The following ZNF766 variants were observed in gnomAD, a reference collection of about 807,000 sequenced individuals.
The protein encoded by ZNF766 is zinc finger protein 766.
Under a neutral mutation model 13.2 loss-of-function variants are expected in ZNF766, and 13 were observed. The ratio of observed to expected loss-of-function variants is 0.98; its 90% CI spans 0.64 to 1.56. The LOEUF is 1.56. ZNF766 is among the 40% of genes most tolerant of loss of function. The probability of loss-of-function intolerance (pLI) is 0.00; values close to 1 mark genes in which losing one functional copy is unlikely to be tolerated. For synonymous variants in ZNF766, 178 were observed against 187.6 expected (o/e 0.95, Z 0.42); for missense variants, 521 against 552.2 (o/e 0.94, Z 0.57).
intron 2 of ZNF766, among the ~76,000 whole-genome samples, chr19:52,282,883 T>A (rs574735558): frequency 6.6e-6 from 1 of 152,230 alleles, no homozygotes; most frequent in Non-Finnish European, 1.5e-5. Context: ...CACAGTTCCC[T>A]ACGCATTCAG....
intron 1 of ZNF766, chr19:52,277,500 C>G (rs780899649): frequency 1.3e-6 from 2 of 1,575,064 alleles, no homozygotes; most frequent in Non-Finnish European, 1.7e-6. Flanking sequence ...AGGAGAAGCC[C>G]AGAAGAGGAA....
rs539186976 is a variant in ZNF766, at chr19:52,288,576, G to A, written c.275-1490G>A. 1.4e-4 allele frequency among the ~76,000 whole-genome samples: 21 copies of A among 145,656 alleles called. 1 individual carries two copies. The South Asian group carries it at 4.4e-3, about 31-fold the overall frequency. Reference sequence around the variant, plus strand: ...TTATTTTATTTATTTATTTTGTTTAGAGATAAGGGGTCTCACTTTGTTGCC... The same window carrying A: ...TTATTTTATTTATTTATTTTGTTTAAAGATAAGGGGTCTCACTTTGTTGCC... On this transcript the variant is annotated intron_variant, in intron 3 of 3. Transcript: ENST00000439461.
At chr19:52,286,188 T>TCCCCCCCCCCCGCC (rs71254004) in intron 3 of ZNF766, among the ~76,000 whole-genome samples, 1 of 146,566 alleles carries the variant, frequency 6.8e-6, no homozygotes, top group African/African-American at 2.7e-5. Context: ...AGTGGGCTTT[T>TCCCCCCCCCCCGCC]CCCCCCTAAT....
rs934825706 is a variant in ZNF766, at chr19:52,291,459, G to A, written c.*261G>A. The A allele has an allele frequency of 1.9e-5, 7 of 369,972 alleles. No homozygotes were observed. The highest frequency in any genetic ancestry group is 6.3e-5 in the South Asian group (1 of 15,972). 22.9% of individuals were successfully genotyped at this position (369,972 alleles called of 1,614,324 possible). ...CGTGGAAATGATCTGTAATATTCGGGTTATTAAAAATGTAATTGGCTGGGC... is the reference window on the plus strand; with the variant it reads ...CGTGGAAATGATCTGTAATATTCGGATTATTAAAAATGTAATTGGCTGGGC... On this transcript the variant is annotated 3_prime_UTR_variant, in exon 4 of 4. Coordinates refer to ENST00000439461, the MANE Select transcript of ZNF766 (RefSeq NM_001010851.3).
At chr19:52,279,624 T>G (rs893381865) in intron 1 of ZNF766, among the ~76,000 whole-genome samples, 13 of 151,986 alleles carry the variant, frequency 8.6e-5, no homozygotes, top group Non-Finnish European at 1.9e-4. Context: ...AATTTGAGCT[T>G]CTTGGGAGGC....
rs1982286180 is a variant in ZNF766 at position 52,294,926 on chromosome 19, G to A, written c.*3728G>A. The A allele has an allele frequency of 6.6e-6, 1 of 151,094 alleles. No homozygotes were observed. The highest frequency in any genetic ancestry group is 2.4e-5 in the African/African-American group (1 of 41,208). 9.4% of individuals were successfully genotyped at this position (151,094 alleles called of 1,614,324 possible). A position where few individuals can be genotyped will look rare whatever the true frequency, so the allele number is the denominator to read the frequency against. The stretch of plus-strand genomic sequence containing the variant: ...GTAGACAATGAAAATTAGTGTGTGG[G>A]TTTATAATAAATATAATGTATTATA... On this transcript the variant is annotated 3_prime_UTR_variant, in exon 4 of 4. Coordinates refer to ENST00000439461, the MANE Select transcript of ZNF766 (RefSeq NM_001010851.3).
chr19:52,279,789 CTTTTTTTTTTTTTTTT>C (rs984101828), intron 1 of ZNF766, among the ~76,000 whole-genome samples: 2 of 64,878 alleles, frequency 3.1e-5, no homozygotes, highest in Non-Finnish European at 5.3e-5. Context: ...TTTACCTTTT[CTTTTTTTTTTTTTTTT>C]TTTTTTTTGA....
intron 1 of ZNF766, chr19:52,277,163 C>G: frequency 1.8e-6 from 2 of 1,120,938 alleles, no homozygotes; most frequent in Non-Finnish European, 2.2e-6. Flanking sequence ...GGATTGACTT[C>G]TAAAGAGTCA....
At chr19:52,289,655 C>A (rs1302666285) in intron 3 of ZNF766, among the ~76,000 whole-genome samples, 1 of 152,128 alleles carries the variant, frequency 6.6e-6, no homozygotes, top group African/African-American at 2.4e-5. Context: ...GCTGATATTT[C>A]TTCCAGTGTC....
intron 3 of ZNF766, chr19:52,287,998 GCTAT>G (rs1568621963): frequency 7.1e-6 from 3 of 422,838 alleles, no homozygotes; most frequent in African/African-American, 2.1e-5. Context: ...TTTTCTTTCT[GCTAT>G]CTTAGTGTTC....
intron 3 of ZNF766, chr19:52,284,786 A>G (rs144981283): frequency 6.6e-6 from 1 of 151,998 alleles, no homozygotes; most frequent in Non-Finnish European, 1.5e-5. Flanking sequence ...ACACTTCGTT[A>G]TGTTTATTGG....
At chr19:52,283,144 C>G in intron 2 of ZNF766, 141 bp from the exon 3 acceptor site, 6 of 948,702 alleles carry the variant, frequency 6.3e-6, no homozygotes, top group Non-Finnish European at 9.0e-6. Context: ...TCTCCAGCAT[C>G]TGTTGCTTGC....
chr19:52,286,211 G>A (rs1484498459), intron 3 of ZNF766, among the ~76,000 whole-genome samples: 2 of 146,206 alleles, frequency 1.4e-5, no homozygotes, highest in East Asian at 3.9e-4. Flanking sequence ...TAAAGGAAAA[G>A]CCTTCATTCT....
At chr19:52,270,304 G>GA (rs1280497687) in intron 1 of ZNF766, among the ~76,000 whole-genome samples, 3 of 152,142 alleles carry the variant, frequency 2.0e-5, no homozygotes, top group East Asian at 3.8e-4. Flanking sequence ...AATTTAGAGA[G>GA]AAAATAATGA....
At chr19:52,284,203 C>T (rs1981693919) in intron 3 of ZNF766, among the ~76,000 whole-genome samples, 1 of 152,230 alleles carries the variant, frequency 6.6e-6, no homozygotes, top group Non-Finnish European at 1.5e-5. Flanking sequence ...AGCGCTGCTT[C>T]AAAGGAGTCC....
chr19:52,273,101 C>T (rs999933702), intron 1 of ZNF766, among the ~76,000 whole-genome samples: 3 of 152,008 alleles, frequency 2.0e-5, no homozygotes, highest in East Asian at 3.9e-4. Context: ...CTCTGCCTCC[C>T]GGGTTCAAGC....
Position 52,294,944 on chromosome 19 carries a change from G to T in ZNF766, c.*3746G>T, listed in dbSNP as rs935936659. 1.3e-5 allele frequency: 2 copies of T among 150,696 alleles called. No individual in the cohort carries two copies. Among genetic ancestry groups the T allele is most frequent in the African/African-American group, 4.9e-5 (2 of 41,134 alleles). 9.3% of individuals were successfully genotyped at this position (150,696 alleles called of 1,614,324 possible). A position where few individuals can be genotyped will look rare whatever the true frequency, so the allele number is the denominator to read the frequency against. ...TGTGTGGGTTTATAATAAATATAAT[G>T]TATTATATAATATGATTAAAATATA... On this transcript the variant is annotated 3_prime_UTR_variant, in exon 4 of 4. Coordinates refer to ENST00000439461, the MANE Select transcript of ZNF766 (RefSeq NM_001010851.3).
Position 52,280,424 on chromosome 19 carries a change from T to C in ZNF766, c.19-1687T>C, listed in dbSNP as rs530982085. ...AAATAGGTCATTGAGAGACAACTCC[T>C]TATTTCATCTGATGTGTAAATTGTA... On this transcript the variant is annotated intron_variant, in intron 1 of 3. Transcript: ENST00000439461. 5.3e-5 allele frequency among the ~76,000 whole-genome samples: 8 copies of C among 152,296 alleles called. No individual in the cohort carries two copies. The East Asian group carries it at 1.2e-3, about 22-fold the overall frequency.
rs769003771 is a variant in ZNF766 at position 52,290,745 on chromosome 19, G to C, written c.954G>C (p.Trp318Cys). Residue 318 changes from tryptophan to cysteine, a missense_variant, in exon 4 of 4, where the codon TGG (tryptophan) becomes TGC (cysteine). Coordinates refer to ENST00000439461, the MANE Select transcript of ZNF766 (RefSeq NM_001010851.3). ...YSSSSYLAQH[W>C]RIHTGEKLYK... ...GCAGTTCATACCTAGCACAACATTG[G>C]AGAATTCATACAGGAGAGAAACTTT... is the stretch of plus-strand genomic sequence containing the variant. The C allele has an allele frequency of 3.1e-6, 5 of 1,613,866 alleles. No individual in the cohort carries two copies. The Admixed American group carries it at 6.7e-5, about 22-fold the overall frequency.
Sources: allele counts gnomAD v4.1 joint callset (sites outside exome capture counted in the v4.1 genomes callset), GRCh38; gene constraint gnomAD v4.1.1; transcripts MANE v1.5; gene names NCBI Gene and HGNC (gene_info 2026-07-23, HGNC 2026-07-21).